NRK: variants seen among roughly 807,000 people sequenced by gnomAD.
NRK encodes the protein Nik related kinase.
NRK carries 67 observed loss-of-function variants against 125.2 expected under a neutral mutation model. The observed-to-expected ratio is 0.54, with a 90% CI of 0.44 to 0.66. The LOEUF (loss-of-function observed/expected upper bound fraction) is 0.66, where lower values mean the gene tolerates loss of function less well. Ranked by LOEUF, NRK falls within the 30% of genes least tolerant of loss-of-function variation. The pLI is 0.00. For missense variants in NRK, 1,224 were observed against 1,192.9 expected (o/e 1.03, Z -0.38); for synonymous variants, 458 against 429.0 (o/e 1.07, Z -0.84).
At chrX:105,852,676 C>G (rs748273766) in intron 2 of NRK, among the ~76,000 whole-genome samples, 3 of 111,665 alleles carry the variant, frequency 2.7e-5, no homozygotes, top group African/African-American at 9.8e-5. Flanking sequence ...TTAGTCCTCC[C>G]CCTTTAAAGT....
At chrX:105,939,297 G>A (rs2147787399) in intron 22 of NRK, among the ~76,000 whole-genome samples, 1 of 111,732 alleles carries the variant, frequency 8.9e-6, no homozygotes, top group East Asian at 2.8e-4. Flanking sequence ...CATGGCCTGT[G>A]TTTCCTGACT....
rs1457801376 is a variant in NRK at position 105,917,590 on chromosome X, G to A, written c.2430G>A (p.Arg810=). The change falls in exon 16 of 29, where the codon CGG becomes CGA. Residue 810 remains arginine, a synonymous_variant. Coordinates refer to ENST00000243300, the MANE Select transcript of NRK (RefSeq NM_198465.4). ...HVKFSSSVPQ[R]SLLEQAQKPI... is the part of the protein sequence containing the mutation. ...GTCTTTTCATTAGCGTTCCTCAGCG[G>A]TCTCTTTTGGAACAAGCTCAGAAGC... is the stretch of plus-strand genomic sequence containing the variant. The A allele has an allele frequency of 2.6e-6, 3 of 1,153,965 alleles. No homozygotes were observed. Among genetic ancestry groups the A allele is most frequent in the East Asian group, 3.1e-5 (1 of 31,840 alleles).
intron 22 of NRK, among the ~76,000 whole-genome samples, chrX:105,938,749 G>A (rs772706682): frequency 3.6e-5 from 4 of 111,622 alleles, no homozygotes; most frequent in Admixed American, 1.9e-4. Flanking sequence ...ATAGAATAGC[G>A]GTAGTGTTTT....
In NRK at chrX:105,917,748, A is replaced by C. The variant is rs1208133745; in HGVS notation, c.2512+76A>C. ...ACAATTTATATTTCAGAAGTCAAGA[A>C]AGAAGAATTTCAAGAAGGAATGAAT... On this transcript the variant is annotated intron_variant, in intron 16 of 28. Transcript: ENST00000243300. 5.9e-6 allele frequency: 3 copies of C among 510,230 alleles called. No individual in the cohort carries two copies. In the African/African-American group the frequency reaches 7.2e-5, roughly 12 times the overall value. The allele number at this position is 510,230 out of a possible 1,213,427, so 42.0% of individuals were successfully genotyped here.
chrX:105,830,781 A>G (rs2039179908), intron 1 of NRK, among the ~76,000 whole-genome samples: 1 of 104,049 alleles, frequency 9.6e-6, no homozygotes, highest in African/African-American at 3.5e-5. Flanking sequence ...GAATTGAACA[A>G]TGAGAACACT....
At chrX:105,908,099 C>CAT (rs762599422) in intron 11 of NRK, 141 bp from the exon 12 acceptor site, 13 of 367,149 alleles carry the variant, frequency 3.5e-5, no homozygotes, top group Middle Eastern at 3.9e-4. Flanking sequence ...CATCACAAAC[C>CAT]AAGTACTTTT....
chrX:105,940,308 G>A (rs2040722519), intron 23 of NRK, among the ~76,000 whole-genome samples: 1 of 109,994 alleles, frequency 9.1e-6, no homozygotes. Context: ...ATTGATGTTA[G>A]GTTTGGTTTA....
intron 1 of NRK, 54 bp downstream of exon 1, chrX:105,822,956 C>T (rs1379441054): frequency 3.9e-6 from 4 of 1,029,610 alleles, no homozygotes; most frequent in Admixed American, 5.5e-5. Context: ...GCGGGTTCTG[C>T]GTACCAGAGG....
chrX:105,940,132 T>C, intron 23 of NRK, 100 bp downstream of exon 23: 1 of 648,444 alleles, frequency 1.5e-6, no homozygotes, highest in Non-Finnish European at 2.4e-6. Flanking sequence ...AAGGAAACAA[T>C]TTGCAGTTTC....
intron 28 of NRK, among the ~76,000 whole-genome samples, chrX:105,954,653 A>G (rs1246343362): frequency 9.0e-6 from 1 of 111,217 alleles, no homozygotes; most frequent in Non-Finnish European, 1.9e-5. Context: ...GTATCTTATC[A>G]TCATCATTAT....
intron 27 of NRK, among the ~76,000 whole-genome samples, chrX:105,951,222 G>A (rs1454188995): frequency 9.0e-6 from 1 of 110,918 alleles, no homozygotes; most frequent in East Asian, 2.8e-4. Context: ...TGATCGATAT[G>A]CTAATCAGAA....
rs145260404 is a variant in NRK at position 105,933,166 on chromosome X, GTCTATCTATCTATCTATCTA to G, written c.3313-1060_3313-1041del. On this transcript the variant is annotated intron_variant, in intron 19 of 28. Transcript: ENST00000243300. ...TGTCAGTGGGAAAATATCTATGTCTGTCTATCTATCTATCTATCTATCTATCTATCTATCTATCTATCTAT... is the reference window on the plus strand; with the variant it reads ...TGTCAGTGGGAAAATATCTATGTCTGTCTATCTATCTATCTATCTATCTAT... Among the ~76,000 whole-genome samples the G allele has an allele frequency of 3.9e-3, 394 of 101,164 alleles. 1 individual carries two copies. The highest frequency in any genetic ancestry group is 0.013 in the African/African-American group (369 of 27,721). The allele number at this position is 101,164 out of a possible 115,157, so 87.8% of individuals were successfully genotyped here.
chrX:105,953,560 A>G (rs1171303780), intron 28 of NRK, among the ~76,000 whole-genome samples: 3 of 111,887 alleles, frequency 2.7e-5, no homozygotes, highest in Non-Finnish European at 5.6e-5. Context: ...TTTCAACATA[A>G]TTCAATAACA....
At chrX:105,868,000 C>T (rs923048808) in intron 2 of NRK, among the ~76,000 whole-genome samples, 1 of 111,381 alleles carries the variant, frequency 9.0e-6, no homozygotes, top group Non-Finnish European at 1.9e-5. Flanking sequence ...CACATTGTCT[C>T]TTGCATTGTG....
At chrX:105,900,422 A>G (rs771133023) in intron 8 of NRK, among the ~76,000 whole-genome samples, 196 bp from the exon 9 acceptor site, 27 of 111,976 alleles carry the variant, frequency 2.4e-4, no homozygotes, top group African/African-American at 8.1e-4. Context: ...CCTGTTGTGT[A>G]GTGAGGTACT....
chrX:105,852,947 C>T (rs2039489949), intron 2 of NRK, among the ~76,000 whole-genome samples: 1 of 111,835 alleles, frequency 8.9e-6, no homozygotes, highest in African/African-American at 3.3e-5. Flanking sequence ...TCTTATTACA[C>T]TCTCGTGAAC....
intron 2 of NRK, among the ~76,000 whole-genome samples, chrX:105,874,791 C>T (rs187763366): frequency 9.0e-6 from 1 of 111,272 alleles, no homozygotes; most frequent in Non-Finnish European, 1.9e-5. Context: ...AGGTTTTTCC[C>T]AGGGGAAGTG....
chrX:105,955,520 A>G lies in NRK; in HGVS notation c.4669A>G (p.Thr1557Ala). 1 of 1,186,803 alleles carries G rather than the reference A, an allele frequency of 8.4e-7. No homozygotes were observed. The change falls in exon 29 of 29, where the codon ACC (threonine) becomes GCC (alanine). Residue 1557 changes from threonine (T) to alanine (A), a missense_variant. By Grantham distance (58) the Thr-to-Ala change is moderately conservative. Coordinates refer to ENST00000243300, the MANE Select transcript of NRK (RefSeq NM_198465.4). ...CTTTTTCAAGCTGTTCTTTACCTCT[A>G]CCCTGCGCAATCACCACAGCCGGGT... is the stretch of plus-strand genomic sequence containing the variant. Reference protein sequence around the residue: ...TRGDKLFFTSTLRNHHSRVYF... With the variant: ...TRGDKLFFTSALRNHHSRVYF...
intron 2 of NRK, among the ~76,000 whole-genome samples, chrX:105,834,209 AT>A (rs2039232472): frequency 9.0e-6 from 1 of 111,287 alleles, no homozygotes; most frequent in South Asian, 3.7e-4. Context: ...AAAAGTCTTA[AT>A]TTCTCCTTCA....
Sources: gnomAD v4.1 joint callset for allele counts (sites outside exome capture counted in the v4.1 genomes callset) on GRCh38, gnomAD v4.1.1 for gene constraint, MANE v1.5 for transcripts, NCBI Gene and HGNC (gene_info 2026-07-23, HGNC 2026-07-21) for gene names.